RBFOX3: variants seen among roughly 807,000 people sequenced by gnomAD.
The protein encoded by RBFOX3 is RNA binding fox-1 homolog 3.
Under a neutral mutation model 48.7 loss-of-function variants are expected in RBFOX3, and 17 were observed. The observed-to-expected ratio is 0.35, with a 90% confidence interval of 0.24 to 0.52. RBFOX3 has a LOEUF of 0.52. RBFOX3 is among the 20% of genes least tolerant of loss of function. The pLI, the probability that RBFOX3 is intolerant of heterozygous loss-of-function variation, is 0.94. For synonymous variants in RBFOX3, 212 were observed against 209.5 expected (o/e 1.01, Z -0.10); for missense variants, 382 against 497.5 (o/e 0.77, Z 2.21).
chr17:79,231,959 G>A (rs1263806218), intron 4 of RBFOX3, among the ~76,000 whole-genome samples: 1 of 152,148 alleles, frequency 6.6e-6, no homozygotes, highest in Non-Finnish European at 1.5e-5. Flanking sequence ...CACATGGCCG[G>A]GGAGGCCTCA....
At chr17:79,536,194 A>C (rs1555788676) in intron 1 of RBFOX3, among the ~76,000 whole-genome samples, 1 of 152,126 alleles carries the variant, frequency 6.6e-6, no homozygotes, top group African/African-American at 2.4e-5. Flanking sequence ...CTCCTGCCTC[A>C]GCCTCCCAAG....
upstream of RBFOX3, among the ~76,000 whole-genome samples, chr17:79,612,225 A>G (rs968685524): frequency 6.6e-6 from 1 of 152,222 alleles, no homozygotes; most frequent in Non-Finnish European, 1.5e-5. Flanking sequence ...ACGAGCCTGC[A>G]CCATCGAAGG....
chr17:79,618,137 G>A, the RBFOX3 span, among the ~76,000 whole-genome samples: 132 of 152,334 alleles, frequency 8.7e-4, no homozygotes, highest in African/African-American at 3.0e-3. Flanking sequence ...CACACCACAA[G>A]GATTTACTGT....
chr17:79,172,261 A>AT (rs1301258915), intron 4 of RBFOX3, among the ~76,000 whole-genome samples: 2 of 152,156 alleles, frequency 1.3e-5, no homozygotes, highest in East Asian at 3.8e-4. Context: ...TGAACAGCAG[A>AT]TATCACTATC....
intron 1 of RBFOX3, chr17:79,600,344 A>T (rs1203862069): frequency 1.3e-5 from 2 of 150,898 alleles, no homozygotes; most frequent in Non-Finnish European, 3.0e-5. Context: ...TGCACACTCT[A>T]CACACAGGCA....
intron 2 of RBFOX3, among the ~76,000 whole-genome samples, chr17:79,357,552 A>T (rs999250349): frequency 6.6e-6 from 1 of 152,124 alleles, no homozygotes; most frequent in Admixed American, 6.5e-5. Flanking sequence ...GATCACTTGA[A>T]CCCAGGAGGT....
intron 1 of RBFOX3, among the ~76,000 whole-genome samples, chr17:79,511,287 C>T (rs1167126481): frequency 2.6e-5 from 4 of 152,146 alleles, no homozygotes; most frequent in African/African-American, 7.2e-5. Context: ...TGTGCAGTGT[C>T]GTGGGGTGTC....
chr17:79,253,184 T>C (rs4789974), intron 3 of RBFOX3, among the ~76,000 whole-genome samples: 148,107 of 152,282 alleles, frequency 0.97, 72,162 homozygotes, highest in Middle Eastern at 1. Flanking sequence ...GCACAATGCA[T>C]CTGGTGCTCC....
intron 3 of RBFOX3, among the ~76,000 whole-genome samples, chr17:79,247,956 C>T (rs547167823): frequency 2.6e-5 from 4 of 152,006 alleles, no homozygotes; most frequent in Non-Finnish European, 5.9e-5. Context: ...GCCTGGCCCA[C>T]AATGGGAGGA....
At chr17:79,457,540 C>T (rs2074717765) in intron 2 of RBFOX3, among the ~76,000 whole-genome samples, 1 of 152,220 alleles carries the variant, frequency 6.6e-6, no homozygotes, top group Admixed American at 6.5e-5. Context: ...AAGCCCAGGG[C>T]CAGCAGCCCC....
chr17:79,352,763 C>A (rs2084203140), intron 2 of RBFOX3, among the ~76,000 whole-genome samples: 1 of 152,216 alleles, frequency 6.6e-6, no homozygotes, highest in South Asian at 2.1e-4. Context: ...TGCTGCCCCC[C>A]AGAAATGACC....
intron 4 of RBFOX3, among the ~76,000 whole-genome samples, chr17:79,216,246 G>A (rs1015593386): frequency 6.6e-5 from 10 of 152,360 alleles, no homozygotes; most frequent in Non-Finnish European, 1.2e-4. Flanking sequence ...GAGCTGAGAC[G>A]CCATCTGTGA....
chr17:79,453,259 T>A (rs2073880390), intron 2 of RBFOX3, among the ~76,000 whole-genome samples: 1 of 152,196 alleles, frequency 6.6e-6, no homozygotes, highest in Non-Finnish European at 1.5e-5. Flanking sequence ...TCCAGAGCGA[T>A]GCCCAGAGAA....
Position 79,435,569 on chromosome 17 carries a change from A to G in RBFOX3, c.-175+46885T>C, listed in dbSNP as rs112403829. Among the ~76,000 whole-genome samples, 222 of 152,224 alleles carry G rather than the reference A, an allele frequency of 1.5e-3. 2 individuals carry two copies. The highest frequency in any genetic ancestry group is 5.1e-3 in the African/African-American group (213 of 41,538). On this transcript the variant is annotated intron_variant, in intron 2 of 14. Coordinates refer to ENST00000693108, the MANE Select transcript of RBFOX3 (RefSeq NM_001350451.2). ...CACCACCTCCTCCAGGGCGTTTAGG[A>G]GTAAATGTGTCAACAGGAGGAAATC... is the stretch of plus-strand genomic sequence containing the variant.
chr17:79,630,699 G>A, the RBFOX3 span, among the ~76,000 whole-genome samples: 4 of 152,138 alleles, frequency 2.6e-5, no homozygotes, highest in East Asian at 3.8e-4. Flanking sequence ...TTTAACGCTC[G>A]TGGTTCAGGA....
chr17:79,138,801 C>CCATGCACGCA (rs2041115049), intron 4 of RBFOX3, among the ~76,000 whole-genome samples: 1 of 89,372 alleles, frequency 1.1e-5, no homozygotes, highest in Non-Finnish European at 2.2e-5. Flanking sequence ...GCCCCCTTAC[C>CCATGCACGCA]CACACACATG....
At chr17:79,406,395 G>C (rs893901865) in intron 2 of RBFOX3, among the ~76,000 whole-genome samples, 19 of 152,144 alleles carry the variant, frequency 1.2e-4, no homozygotes, top group Admixed American at 6.5e-5. Flanking sequence ...TCTCAGGACT[G>C]GTTGGGTCTC....
intron 4 of RBFOX3, among the ~76,000 whole-genome samples, chr17:79,156,415 G>C (rs956172638): frequency 2.0e-5 from 3 of 152,142 alleles, no homozygotes; most frequent in African/African-American, 7.2e-5. Flanking sequence ...AGTGACCCCA[G>C]AGGCCTGGCA....
chr17:79,288,701 G>C (rs1429909209), intron 3 of RBFOX3, among the ~76,000 whole-genome samples: 12 of 152,076 alleles, frequency 7.9e-5, no homozygotes, highest in Admixed American at 7.9e-4. Context: ...TCAGTTCACT[G>C]GTCTTCTCAC....
Sources: allele counts gnomAD v4.1 joint callset (sites outside exome capture counted in the v4.1 genomes callset), GRCh38; gene constraint gnomAD v4.1.1; transcripts MANE v1.5; gene names NCBI Gene and HGNC (gene_info 2026-07-23, HGNC 2026-07-21).